MAGT1: variants seen among roughly 807,000 people sequenced by gnomAD.
MAGT1 encodes dolichyl-diphosphooligosaccharide--protein glycosyltransferase subunit MAGT1.
A neutral mutation model predicts 28.4 loss-of-function variants in MAGT1; 4 were observed. That is an observed-to-expected ratio of 0.14 (90% confidence interval 0.07 to 0.32). MAGT1 has a LOEUF of 0.32. MAGT1 is among the 10% of genes least tolerant of loss of function. The pLI, the probability that MAGT1 is intolerant of heterozygous loss-of-function variation, is 1.00. For missense variants in MAGT1, 193 were observed against 264.5 expected, an observed-to-expected ratio of 0.73 and a Z score of 1.88; for synonymous variants, 89 against 89.7, an observed-to-expected ratio of 0.99 and a Z score of 0.04.
chrX:77,875,363 TG>T, intron 2 of MAGT1, 64 bp downstream of exon 2: 1 of 1,115,888 alleles, frequency 9.0e-7, no homozygotes. Flanking sequence ...TTGGCCCTTC[TG>T]GGATTGAGAA....
intron 8 of MAGT1, among the ~76,000 whole-genome samples, chrX:77,833,381 G>C (rs1033736307): frequency 2.9e-4 from 33 of 112,233 alleles, no homozygotes; most frequent in African/African-American, 1.0e-3. Context: ...TCTGTTTTCA[G>C]TAGTGGTAAT....
intron 3 of MAGT1, chrX:77,868,507 G>C: frequency 6.6e-6 from 1 of 150,786 alleles, no homozygotes; most frequent in Non-Finnish European, 1.3e-5. Context: ...CGTGGTGGTG[G>C]GCACCTGTAA....
chrX:77,884,907 C>T (rs1358903656), intron 1 of MAGT1, among the ~76,000 whole-genome samples: 1 of 107,969 alleles, frequency 9.3e-6, no homozygotes, highest in Non-Finnish European at 1.9e-5. Flanking sequence ...CCCGTCTCTA[C>T]TAAAATTAGC....
intron 3 of MAGT1, among the ~76,000 whole-genome samples, chrX:77,866,338 T>C (rs782608179): frequency 3.0e-5 from 2 of 66,287 alleles, no homozygotes; most frequent in Non-Finnish European, 4.1e-5. Context: ...AAATTCTGTG[T>C]ATTAGAGCCC....
At chrX:77,861,103 C>T (rs181860744) in intron 3 of MAGT1, among the ~76,000 whole-genome samples, 64 of 109,082 alleles carry the variant, frequency 5.9e-4, no homozygotes, top group Non-Finnish European at 9.1e-4. Flanking sequence ...CGCTTGAACC[C>T]GGGAAACGGA....
intron 7 of MAGT1, among the ~76,000 whole-genome samples, chrX:77,849,895 C>CAAAAAAAA (rs1247445316): frequency 5.9e-5 from 3 of 50,844 alleles, no homozygotes; most frequent in Non-Finnish European, 7.7e-5. Context: ...AACAAAAAAC[C>CAAAAAAAA]AAAAAAAAAA....
chrX:77,874,451 C>G (rs2077027842), intron 2 of MAGT1, among the ~76,000 whole-genome samples: 1 of 107,639 alleles, frequency 9.3e-6, no homozygotes, highest in Admixed American at 1.0e-4. Flanking sequence ...CAAAAATTAG[C>G]TGGGCGTGGT....
intron 2 of MAGT1, among the ~76,000 whole-genome samples, 172 bp downstream of exon 2, chrX:77,875,256 C>T (rs192785571): frequency 1.1e-3 from 118 of 111,429 alleles, no homozygotes; most frequent in Middle Eastern, 9.2e-3. Context: ...CCCACTGATA[C>T]GGATAATCAA....
chrX:77,840,722 T>C (rs1299091841), intron 8 of MAGT1, among the ~76,000 whole-genome samples: 1 of 110,943 alleles, frequency 9.0e-6, no homozygotes, highest in Non-Finnish European at 1.9e-5. Flanking sequence ...CACATGCCTG[T>C]AGTCCCAGCT....
chrX:77,829,370 T>C (rs2076891709), intron 9 of MAGT1, 135 bp from the exon 10 acceptor site: 3 of 464,486 alleles, frequency 6.5e-6, no homozygotes, highest in Non-Finnish European at 1.1e-5. Flanking sequence ...TGGGTATCAA[T>C]AACAAAAAGT....
chrX:77,856,683 C>T lies in MAGT1; in HGVS notation c.672+50G>A, dbSNP rs781934457. 27 of 1,132,756 alleles carry T rather than the reference C, an allele frequency of 2.4e-5. No individual in the cohort carries two copies. In the South Asian group the frequency reaches 4.0e-4, roughly 17 times the overall value. 93.4% of individuals were successfully genotyped at this position (1,132,756 alleles called of 1,213,427 possible). ...AAATAAAAGCTTACCTAAAAATACACTATTAGGAATTTTATTCAAATAATT... is the reference window on the plus strand; with the variant it reads ...AAATAAAAGCTTACCTAAAAATACATTATTAGGAATTTTATTCAAATAATT... On this transcript the variant is annotated intron_variant, in intron 5 of 9. Coordinates refer to ENST00000618282, the MANE Select transcript of MAGT1 (RefSeq NM_001367916.1).
chrX:77,880,587 C>T (rs990939442), intron 1 of MAGT1, among the ~76,000 whole-genome samples: 4 of 109,985 alleles, frequency 3.6e-5, no homozygotes, highest in Non-Finnish European at 5.7e-5. Context: ...TGGTAAGGGC[C>T]ACAAAAAGAA....
At chrX:77,885,840 T>C (rs12837204) in intron 1 of MAGT1, among the ~76,000 whole-genome samples, 3 of 109,359 alleles carry the variant, frequency 2.7e-5, no homozygotes, top group African/African-American at 1.0e-4. Flanking sequence ...ATTAGCTAGG[T>C]GTGGTAGCAC....
In MAGT1 at chrX:77,833,666, C is replaced by T. The variant is rs782740315; in HGVS notation, c.902-2771G>A. Among the ~76,000 whole-genome samples, 9 of 111,826 alleles carry T rather than the reference C, an allele frequency of 8.0e-5. No homozygotes were observed. The East Asian group carries it at 1.7e-3, about 21-fold the overall frequency. On this transcript the variant is annotated intron_variant, in intron 8 of 9. Coordinates refer to ENST00000618282, the MANE Select transcript of MAGT1 (RefSeq NM_001367916.1). ...CATCGAAAAATGGAAAGATGTTCCA[C>T]GTTCATGGATTGGAAGAATGGATGT...
chrX:77,879,237 A>G (rs1189297217), intron 1 of MAGT1, among the ~76,000 whole-genome samples: 2 of 110,749 alleles, frequency 1.8e-5, no homozygotes, highest in African/African-American at 6.6e-5. Flanking sequence ...TTGAATTCTT[A>G]GTAGAGACGG....
intron 3 of MAGT1, among the ~76,000 whole-genome samples, chrX:77,865,102 C>A (rs2077004939): frequency 9.0e-6 from 1 of 111,400 alleles, no homozygotes; most frequent in Non-Finnish European, 1.9e-5. Context: ...TATAAATGCA[C>A]TGATTTTGAT....
At chrX:77,856,593 G>C in intron 5 of MAGT1, 140 bp downstream of exon 5, 1 of 592,315 alleles carries the variant, frequency 1.7e-6, no homozygotes, top group Non-Finnish European at 2.6e-6. Flanking sequence ...CTGATTTTAA[G>C]ACAGAAAATT....
intron 1 of MAGT1, among the ~76,000 whole-genome samples, chrX:77,885,077 A>AG (rs1293436732): frequency 2.8e-5 from 3 of 107,247 alleles, no homozygotes; most frequent in Non-Finnish European, 1.9e-5. Flanking sequence ...AAAAAAAAAA[A>AG]AGAGAGAGAC....
At chrX:77,852,463 CACAA>C (rs2076971193) in intron 7 of MAGT1, among the ~76,000 whole-genome samples, 1 of 112,176 alleles carries the variant, frequency 8.9e-6, no homozygotes, top group South Asian at 3.7e-4. Flanking sequence ...GAAAGACATA[CACAA>C]ACATTTACTA....
Sources: allele counts gnomAD v4.1 joint callset (sites outside exome capture counted in the v4.1 genomes callset), GRCh38; gene constraint gnomAD v4.1.1; transcripts MANE v1.5; gene names NCBI Gene and HGNC (gene_info 2026-07-23, HGNC 2026-07-21).